The following SLC9A9 variants were observed in gnomAD, a reference collection of about 807,000 sequenced individuals.
SLC9A9 encodes the protein sodium/hydrogen exchanger 9.
A neutral mutation model predicts 77.8 loss-of-function variants in SLC9A9; 62 were observed. The observed-to-expected ratio is 0.80, with a 90% confidence interval of 0.65 to 0.98. SLC9A9 has a LOEUF of 0.98. SLC9A9 is among the 50% of genes least tolerant of loss of function. SLC9A9 has a pLI of 0.00. For synonymous variants in SLC9A9, 320 were observed against 283.5 expected, an observed-to-expected ratio of 1.13 and a Z score of -1.29; for missense variants, 775 against 774.9, an observed-to-expected ratio of 1.00 and a Z score of 0.00.
At chr3:143,533,178 C>G (rs1206258921) in intron 9 of SLC9A9, among the ~76,000 whole-genome samples, 1 of 152,234 alleles carries the variant, frequency 6.6e-6, no homozygotes, top group African/African-American at 2.4e-5. Context: ...TGCAATATAG[C>G]TGTGAACAAA....
chr3:143,336,883 G>T (rs986949390), intron 14 of SLC9A9, among the ~76,000 whole-genome samples: 10 of 152,020 alleles, frequency 6.6e-5, no homozygotes, highest in African/African-American at 2.4e-4. Flanking sequence ...TAATTTTTAC[G>T]TGCTTTTTAC....
intron 12 of SLC9A9, among the ~76,000 whole-genome samples, chr3:143,389,507 C>T (rs891402787): frequency 6.6e-6 from 1 of 152,098 alleles, no homozygotes; most frequent in Non-Finnish European, 1.5e-5. Flanking sequence ...CTACCATTAG[C>T]CATATTAAAG....
At chr3:143,269,611 C>T (rs1470793732) in intron 14 of SLC9A9, among the ~76,000 whole-genome samples, 1 of 152,200 alleles carries the variant, frequency 6.6e-6, no homozygotes, top group Non-Finnish European at 1.5e-5. Context: ...ACTTGTTCAT[C>T]TAAAGCCATT....
Position 143,579,606 on chromosome 3 carries a change from G to A in SLC9A9, c.756-883C>T, listed in dbSNP as rs569509983. 4.6e-5 allele frequency among the ~76,000 whole-genome samples: 7 copies of A among 152,218 alleles called. No individual in the cohort carries two copies. In the South Asian group the frequency reaches 1.5e-3, roughly 32 times the overall value. Reference sequence around the variant, plus strand: ...GGGAGACTAATGAAATGACATTTCAGATTTTTTTTTGCAGTTTTTTATTTT... The same window carrying A: ...GGGAGACTAATGAAATGACATTTCAAATTTTTTTTTGCAGTTTTTTATTTT... On this transcript the variant is annotated intron_variant, in intron 6 of 15. Transcript: ENST00000316549.
rs917589367 is a variant in SLC9A9, at chr3:143,798,719, C to T, written c.379-1816G>A. Among the ~76,000 whole-genome samples, 5 of 152,144 alleles carry T rather than the reference C, an allele frequency of 3.3e-5. No individual in the cohort carries two copies. The East Asian group carries it at 5.8e-4, about 18-fold the overall frequency. ...CCTACAAGATCTAGATAATTCTTGT[C>T]GTAAAATGGGCAAATGGTCTGAGGT... On this transcript the variant is annotated intron_variant, in intron 2 of 15. Coordinates refer to ENST00000316549, the MANE Select transcript of SLC9A9 (RefSeq NM_173653.4).
intron 14 of SLC9A9, among the ~76,000 whole-genome samples, chr3:143,310,769 ATGGGGCCTC>A (rs2030989474): frequency 6.6e-6 from 1 of 152,220 alleles, no homozygotes; most frequent in Non-Finnish European, 1.5e-5. Flanking sequence ...GATTATGTTT[ATGGGGCCTC>A]TCCCATGCTC....
At chr3:143,500,703 C>A (rs1035764077) in intron 9 of SLC9A9, among the ~76,000 whole-genome samples, 3 of 151,948 alleles carry the variant, frequency 2.0e-5, no homozygotes, top group African/African-American at 7.2e-5. Context: ...GTACCTCCTA[C>A]CTCCCAACAA....
intron 9 of SLC9A9, among the ~76,000 whole-genome samples, chr3:143,535,794 T>C (rs2036581196): frequency 6.6e-6 from 1 of 152,218 alleles, no homozygotes; most frequent in Non-Finnish European, 1.5e-5. Flanking sequence ...ATTTACTCCA[T>C]TATATATAAA....
chr3:143,354,355 T>C (rs540816429), intron 14 of SLC9A9, among the ~76,000 whole-genome samples: 7 of 152,376 alleles, frequency 4.6e-5, no homozygotes, highest in African/African-American at 7.2e-5. Flanking sequence ...ATGAGTTGGT[T>C]TGACATACAT....
At chr3:143,459,136 A>G (rs1351000105) in intron 12 of SLC9A9, among the ~76,000 whole-genome samples, 3 of 145,336 alleles carry the variant, frequency 2.1e-5, no homozygotes, top group Non-Finnish European at 4.6e-5. Flanking sequence ...TCATTTTTCC[A>G]TTTGTTTCCA....
chr3:143,655,833 G>A (rs192737990), intron 5 of SLC9A9, among the ~76,000 whole-genome samples: 15 of 152,268 alleles, frequency 9.9e-5, no homozygotes, highest in Middle Eastern at 3.4e-3. Flanking sequence ...GTCTTTGAGC[G>A]GAATGAGTGA....
intron 5 of SLC9A9, among the ~76,000 whole-genome samples, chr3:143,688,896 A>G (rs909578786): frequency 6.6e-5 from 10 of 151,978 alleles, no homozygotes; most frequent in Admixed American, 5.9e-4. Flanking sequence ...TTGAAATGCA[A>G]AAGTCTAATG....
chr3:143,420,274 C>T (rs200721864), intron 12 of SLC9A9, among the ~76,000 whole-genome samples: 2 of 26,382 alleles, frequency 7.6e-5, no homozygotes, highest in South Asian at 2.3e-3. Flanking sequence ...TCTTTAGGGA[C>T]GTAGTAAGGA....
chr3:143,347,791 G>A (rs2032333345), intron 14 of SLC9A9, among the ~76,000 whole-genome samples: 1 of 152,170 alleles, frequency 6.6e-6, no homozygotes, highest in African/African-American at 2.4e-5. Flanking sequence ...AGATCTGTGA[G>A]TGAGCAGCTA....
intron 2 of SLC9A9, among the ~76,000 whole-genome samples, chr3:143,799,005 C>T (rs1246959177): frequency 1.3e-5 from 2 of 152,206 alleles, no homozygotes. Flanking sequence ...TTTATCACCT[C>T]CCCTCCTCAC....
intron 6 of SLC9A9, among the ~76,000 whole-genome samples, chr3:143,644,255 A>G (rs1206331810): frequency 6.6e-6 from 1 of 152,210 alleles, no homozygotes; most frequent in Non-Finnish European, 1.5e-5. Flanking sequence ...TTATATACCA[A>G]TAAATTAAAG....
In SLC9A9 at chr3:143,832,135, A is replaced by G; in HGVS notation, c.262T>C (p.Phe88Leu). The change falls in exon 2 of 16, where the codon TTC becomes CTC. Residue 88 changes from phenylalanine (F) to leucine (L), a missense_variant. Physicochemically the swap from Phe to Leu is conservative, Grantham distance 22 (BLOSUM62 0). Transcript: ENST00000316549. ...GTVYDCVKLTFSPSTLLVNIT... is the reference protein window; with the variant it reads ...GTVYDCVKLTLSPSTLLVNIT... ...TTAACCAGCAGAGTTGATGGACTGA[A>G]AGTTAGTTTTACACAGTCATAGACA... 2 of 1,613,352 alleles carry G rather than the reference A, an allele frequency of 1.2e-6. No individual in the cohort carries two copies. Among genetic ancestry groups the G allele is most frequent in the Non-Finnish European group, 1.7e-6 (2 of 1,179,612 alleles).
intron 2 of SLC9A9, among the ~76,000 whole-genome samples, chr3:143,817,944 T>A (rs949536388): frequency 2.0e-5 from 3 of 152,188 alleles, no homozygotes; most frequent in African/African-American, 7.2e-5. Context: ...AGTTAATTTT[T>A]AAAAGTCTGA....
intron 4 of SLC9A9, among the ~76,000 whole-genome samples, chr3:143,695,373 C>CCCCTCCCTG (rs1355818282): frequency 6.6e-6 from 1 of 152,078 alleles, no homozygotes; most frequent in African/African-American, 2.4e-5. Context: ...GTGTAATGTT[C>CCCCTCCCTG]CCCTCCCTGT....
Sources: allele counts gnomAD v4.1 joint callset (sites outside exome capture counted in the v4.1 genomes callset), GRCh38; gene constraint gnomAD v4.1.1; transcripts MANE v1.5; gene names NCBI Gene and HGNC (gene_info 2026-07-23, HGNC 2026-07-21).